AKR1B15: variants seen among roughly 807,000 people sequenced by gnomAD.
AKR1B15 encodes the protein estradiol 17-beta-dehydrogenase AKR1B15.
In AKR1B15, 49 loss-of-function variants were observed where a neutral mutation model predicts 38.5. That is an observed-to-expected ratio of 1.27 (90% CI 1.01 to 1.62). AKR1B15 has a LOEUF of 1.62. AKR1B15 is among the 40% of genes most tolerant of loss of function. The pLI is 0.00. For synonymous variants in AKR1B15, 137 were observed against 135.5 expected (o/e 1.01, Z -0.08); for missense variants, 411 against 381.6 (o/e 1.08, Z -0.64).
chr7:134,578,632 C>A (rs76792438), intron 11 of AKR1B15, among the ~76,000 whole-genome samples: 159 of 152,280 alleles, frequency 1.0e-3, no homozygotes, highest in African/African-American at 3.5e-3. Context: ...TTTATTACTG[C>A]GAGGTCTGCA....
chr7:134,579,654 T>A lies in AKR1B15; in HGVS notation c.*105T>A. On this transcript the variant is annotated 3_prime_UTR_variant, in exon 12 of 12. Coordinates refer to ENST00000457545, the MANE Select transcript of AKR1B15 (RefSeq NM_001080538.3). ...TAGCCAAGCTTATCTGAGATCACAGTGAACTTTGTCCTGTTGTAGACCAGA... is the reference window on the plus strand; with the variant it reads ...TAGCCAAGCTTATCTGAGATCACAGAGAACTTTGTCCTGTTGTAGACCAGA... The A allele has an allele frequency of 9.2e-7, 1 of 1,086,950 alleles. No homozygotes were observed. Among genetic ancestry groups the A allele is most frequent in the Non-Finnish European group, 1.3e-6 (1 of 762,418 alleles). 67.3% of individuals were successfully genotyped at this position (1,086,950 alleles called of 1,614,324 possible).
At chr7:134,568,408 C>A in intron 4 of AKR1B15, 83 bp downstream of exon 4, 1 of 1,567,802 alleles carries the variant, frequency 6.4e-7, no homozygotes, top group South Asian at 1.2e-5. Flanking sequence ...AGAACTCTGT[C>A]GGCCTTTTCT....
chr7:134,562,256 G>C lies in AKR1B15; in HGVS notation c.-22-2342G>C, dbSNP rs114147109. 1.3e-3 allele frequency among the ~76,000 whole-genome samples: 198 copies of C among 152,322 alleles called. 1 individual carries two copies. Among genetic ancestry groups the C allele is most frequent in the African/African-American group, 4.5e-3 (189 of 41,580 alleles). ...AAGATGGCACAGACCCAAAGAGTGA[G>C]CAGCAGGAAGATTTATTTTGAACAG... is the stretch of plus-strand genomic sequence containing the variant. On this transcript the variant is annotated intron_variant, in intron 2 of 11. Coordinates refer to ENST00000457545, the MANE Select transcript of AKR1B15 (RefSeq NM_001080538.3).
intron 2 of AKR1B15, among the ~76,000 whole-genome samples, chr7:134,562,596 T>C (rs1490454850): frequency 6.6e-6 from 1 of 152,072 alleles, no homozygotes; most frequent in African/African-American, 2.4e-5. Context: ...GATTGGTGCA[T>C]TTTACAATCC....
Position 134,569,492 on chromosome 7 carries a change from T to C in AKR1B15, c.398T>C (p.Leu133Pro), listed in dbSNP as rs1322983090. 6.2e-7 allele frequency: 1 copy of C among 1,614,116 alleles called. No individual in the cohort carries two copies. Among genetic ancestry groups the C allele is most frequent in the Non-Finnish European group, 8.5e-7 (1 of 1,179,966 alleles). ...CTCAAGGACCTGAAGCTGAGCTATC[T>C]GGACGTCTATCTTATTCACTGGCCA... ...KTLKDLKLSY[L>P]DVYLIHWPQG... The change falls in exon 5 of 12, where the codon CTG (leucine) becomes CCG (proline). Residue 133 changes from leucine to proline, a missense_variant. By Grantham distance (98) the Leu-to-Pro change is moderately conservative. This residue lies in a region of AKR1B15 where 254 missense variants were observed against 212.4 expected (regional missense o/e 1.20). Transcript: ENST00000457545.
intron 2 of AKR1B15, among the ~76,000 whole-genome samples, chr7:134,561,234 G>C (rs1794381187): frequency 6.6e-6 from 1 of 152,122 alleles, no homozygotes; most frequent in African/African-American, 2.4e-5. Context: ...TTATTTTTGA[G>C]ATGGAGTCTC....
At chr7:134,567,713 G>A (rs573956322) in intron 3 of AKR1B15, among the ~76,000 whole-genome samples, 1 of 152,254 alleles carries the variant, frequency 6.6e-6, no homozygotes, top group East Asian at 1.9e-4. Flanking sequence ...GGGTTATTTA[G>A]AGTCAAGCTT....
At chr7:134,562,832 CT>C (rs1794436478) in intron 2 of AKR1B15, among the ~76,000 whole-genome samples, 1 of 122,600 alleles carries the variant, frequency 8.2e-6, no homozygotes, top group Non-Finnish European at 1.7e-5. Flanking sequence ...TCCTTCCTTT[CT>C]CTTTCTTTCT....
intron 2 of AKR1B15, among the ~76,000 whole-genome samples, chr7:134,562,111 G>A (rs944959887): frequency 5.3e-5 from 8 of 152,138 alleles, no homozygotes; most frequent in African/African-American, 1.9e-4. Context: ...AGCCTCCCAA[G>A]TAGCTGGGAT....
At chr7:134,566,051 T>C (rs561530870) in intron 3 of AKR1B15, among the ~76,000 whole-genome samples, 85 of 152,314 alleles carry the variant, frequency 5.6e-4, no homozygotes, top group African/African-American at 1.9e-3. Flanking sequence ...CCCAGCACTT[T>C]GGGAGATCCA....
intron 1 of AKR1B15, among the ~76,000 whole-genome samples, chr7:134,555,675 C>T (rs1043197177): frequency 1.3e-5 from 2 of 152,028 alleles, no homozygotes; most frequent in African/African-American, 4.8e-5. Context: ...GTGCTTTGTT[C>T]CCCGACCCTG....
chr7:134,574,900 C>T (rs994887227), intron 6 of AKR1B15, among the ~76,000 whole-genome samples: 2 of 152,176 alleles, frequency 1.3e-5, no homozygotes, highest in African/African-American at 4.8e-5. Flanking sequence ...GCAAACCAAG[C>T]CATGGTTGGT....
At chr7:134,561,355 G>C (rs528867787) in intron 2 of AKR1B15, among the ~76,000 whole-genome samples, 2 of 152,260 alleles carry the variant, frequency 1.3e-5, no homozygotes, top group East Asian at 3.9e-4. Context: ...CTACAGATAC[G>C]AGCCACCTAT....
Position 134,563,431 on chromosome 7 carries a change from G to A in AKR1B15, c.-22-1167G>A, listed in dbSNP as rs552594825. Among the ~76,000 whole-genome samples, 15 of 152,202 alleles carry A rather than the reference G, an allele frequency of 9.9e-5. No homozygotes were observed. The South Asian group carries it at 1.2e-3, about 13-fold the overall frequency. ...GGAGTGATGGTGGGTGCCTGTAATCGCAGCTATTCAGGATGCTGAGGCAGG... is the reference window on the plus strand; with the variant it reads ...GGAGTGATGGTGGGTGCCTGTAATCACAGCTATTCAGGATGCTGAGGCAGG... On this transcript the variant is annotated intron_variant, in intron 2 of 11. Coordinates refer to ENST00000457545, the MANE Select transcript of AKR1B15 (RefSeq NM_001080538.3).
intron 8 of AKR1B15, 119 bp downstream of exon 8, chr7:134,576,046 C>G (rs1794762767): frequency 1.4e-6 from 2 of 1,472,230 alleles, no homozygotes; most frequent in Admixed American, 2.5e-5. Context: ...TAAGGTAACA[C>G]GTTTGGTACA....
intron 5 of AKR1B15, chr7:134,570,231 AT>A (rs1015773628): frequency 6.6e-6 from 1 of 152,112 alleles, no homozygotes; most frequent in Admixed American, 6.5e-5. Context: ...CACCTAATAA[AT>A]TTTGGTCAGA....
At chr7:134,565,691 T>C in intron 3 of AKR1B15, 1 of 1,457,396 alleles carries the variant, frequency 6.9e-7, no homozygotes, top group Non-Finnish European at 9.1e-7. Context: ...CTCGGGTTGC[T>C]TTCTTTTCTC....
intron 3 of AKR1B15, 56 bp from the exon 4 acceptor site, chr7:134,568,102 G>C: frequency 6.3e-7 from 1 of 1,598,886 alleles, no homozygotes; most frequent in Non-Finnish European, 8.5e-7. Context: ...ACATGGCAAG[G>C]TCTCATCTCT....
At chr7:134,562,870 CTTTCTTTCTTTCTT>C (rs1241349646) in intron 2 of AKR1B15, among the ~76,000 whole-genome samples, 2 of 141,836 alleles carry the variant, frequency 1.4e-5, no homozygotes, top group Non-Finnish European at 3.0e-5. Context: ...TTCTTTCTTT[CTTTCTTTCTTTCTT>C]TCTTTCCTTC....
Sources: allele counts gnomAD v4.1 joint callset (sites outside exome capture counted in the v4.1 genomes callset), GRCh38; gene constraint gnomAD v4.1.1; regional missense constraint gnomAD v4.1.1; transcripts MANE v1.5; gene names NCBI Gene and HGNC (gene_info 2026-07-23, HGNC 2026-07-21).